CA10: variants seen among roughly 807,000 people sequenced by gnomAD.
The protein encoded by CA10 is carbonic anhydrase 10 (inactive), also known as carbonic anhydrase-related protein 10.
In CA10, 14 loss-of-function variants were observed where a neutral mutation model predicts 44.2. The observed-to-expected ratio is 0.32, with a 90% CI of 0.21 to 0.50. The LOEUF is 0.50. Ranked by LOEUF, CA10 falls within the 20% of genes least tolerant of loss-of-function variation. CA10 has a pLI of 0.99. For synonymous variants in CA10, 159 were observed against 141.6 expected, an observed-to-expected ratio of 1.12 and a Z score of -0.87; for missense variants, 350 against 409.7, an observed-to-expected ratio of 0.85 and a Z score of 1.26.
chr17:51,683,530 A>G (rs1914912851), intron 4 of CA10, among the ~76,000 whole-genome samples: 1 of 152,202 alleles, frequency 6.6e-6, no homozygotes, highest in Non-Finnish European at 1.5e-5. Flanking sequence ...AATATTATCC[A>G]TTCCTGATGG....
intron 3 of CA10, among the ~76,000 whole-genome samples, chr17:51,905,600 A>T (rs1404179326): frequency 2.3e-5 from 3 of 131,762 alleles, no homozygotes; most frequent in Non-Finnish European, 4.6e-5. Flanking sequence ...CTCACCTGTC[A>T]TTCCTTATAG....
intron 3 of CA10, among the ~76,000 whole-genome samples, chr17:51,795,014 G>A (rs1906653136): frequency 6.6e-6 from 1 of 152,174 alleles, no homozygotes; most frequent in African/African-American, 2.4e-5. Flanking sequence ...TCAGGAAAGA[G>A]GCTGGGTTCA....
intron 2 of CA10, among the ~76,000 whole-genome samples, chr17:51,948,881 TA>T (rs1983380443): frequency 6.6e-6 from 1 of 152,140 alleles, no homozygotes. Context: ...ATTTACATGC[TA>T]AAAATGTATG....
chr17:52,042,749 ATTCAT>A (rs78635957), intron 2 of CA10, among the ~76,000 whole-genome samples: 19,065 of 151,966 alleles, frequency 0.13, 1,663 homozygotes, highest in East Asian at 0.3. Context: ...TTAAATCTGA[ATTCAT>A]TTCAACTTTT....
At position 52,065,438 on chromosome 17, in the gene CA10, T is replaced by C. The variant is rs144634779; in HGVS notation, c.136+6881A>G. Among the ~76,000 whole-genome samples, 228 of 152,294 alleles carry C rather than the reference T, an allele frequency of 1.5e-3. 2 individuals are homozygous for C. Among genetic ancestry groups the C allele is most frequent in the African/African-American group, 5.2e-3 (218 of 41,560 alleles). Reference sequence around the variant, plus strand: ...TATTGCTGTCTATTCTGACCCAAGTTTGTTTGGCAAACATTGAGCCCCTGG... The same window carrying C: ...TATTGCTGTCTATTCTGACCCAAGTCTGTTTGGCAAACATTGAGCCCCTGG... On this transcript the variant is annotated intron_variant, in intron 2 of 8. Coordinates refer to ENST00000451037, the MANE Select transcript of CA10 (RefSeq NM_020178.5).
chr17:51,904,258 C>T (rs895537448), intron 3 of CA10, among the ~76,000 whole-genome samples: 1 of 151,890 alleles, frequency 6.6e-6, no homozygotes, highest in Non-Finnish European at 1.5e-5. Flanking sequence ...ACAGTGCTGT[C>T]GCCTTTGTTC....
intron 3 of CA10, among the ~76,000 whole-genome samples, chr17:51,868,038 G>A (rs1979628883): frequency 6.7e-6 from 1 of 150,288 alleles, no homozygotes; most frequent in Non-Finnish European, 1.5e-5. Context: ...CTATCACAGA[G>A]TTCAAATAAA....
chr17:51,643,352 A>T (rs1913178149), intron 6 of CA10, among the ~76,000 whole-genome samples: 1 of 152,214 alleles, frequency 6.6e-6, no homozygotes, highest in Admixed American at 6.5e-5. Flanking sequence ...CTTCAAGTAA[A>T]TTACCAATAT....
intron 4 of CA10, among the ~76,000 whole-genome samples, chr17:51,723,400 G>A (rs946433503): frequency 6.6e-6 from 1 of 152,172 alleles, no homozygotes; most frequent in African/African-American, 2.4e-5. Flanking sequence ...GATTCCGTAT[G>A]AGAAACGTGG....
intron 2 of CA10, among the ~76,000 whole-genome samples, chr17:51,966,082 C>G (rs532084256): frequency 2.0e-5 from 3 of 151,942 alleles, no homozygotes; most frequent in African/African-American, 7.2e-5. Flanking sequence ...AACATTCAAG[C>G]TGAGAGCCAA....
Position 51,747,704 on chromosome 17 carries a change from G to C in CA10, c.394C>G (p.Arg132Gly). The C allele has an allele frequency of 6.2e-7, 1 of 1,614,130 alleles. No homozygotes were observed. Among genetic ancestry groups the C allele is most frequent in the Non-Finnish European group, 8.5e-7 (1 of 1,180,016 alleles). Residue 132 changes from arginine to glycine, a missense_variant, in exon 4 of 9, where the codon CGA (arginine) becomes GGA (glycine). Transcript: ENST00000451037. ...MTYSHRLEEI[R>G]LHFGSEDSQG... ...CTGTCCTCACTCCCAAAGTGTAGTC[G>C]GATCTCCTCCAGCCGGTGGCTGTAT...
At chr17:51,655,186 CTA>C (rs1002767515) in intron 4 of CA10, among the ~76,000 whole-genome samples, 3 of 152,194 alleles carry the variant, frequency 2.0e-5, no homozygotes, top group African/African-American at 4.8e-5. Flanking sequence ...TTCCAAATAA[CTA>C]TAGAATTCTC....
intron 4 of CA10, among the ~76,000 whole-genome samples, chr17:51,679,508 G>A (rs7211726): frequency 0.09 from 13,579 of 151,048 alleles, 1,232 homozygotes; most frequent in African/African-American, 0.23. Flanking sequence ...TGATCTGCCC[G>A]CCTTGGCCTC....
intron 2 of CA10, among the ~76,000 whole-genome samples, chr17:51,992,271 C>T (rs1167261269): frequency 6.6e-6 from 1 of 152,080 alleles, no homozygotes; most frequent in Non-Finnish European, 1.5e-5. Flanking sequence ...AAAATTTATA[C>T]TGTGACTGAC....
At chr17:51,735,501 A>G (rs1393353978) in intron 4 of CA10, among the ~76,000 whole-genome samples, 3 of 151,948 alleles carry the variant, frequency 2.0e-5, no homozygotes, top group Non-Finnish European at 4.4e-5. Flanking sequence ...TACCCAAGCA[A>G]CAAACACGAA....
intron 1 of CA10, among the ~76,000 whole-genome samples, chr17:52,148,203 T>C (rs1017156376): frequency 2.0e-5 from 3 of 152,182 alleles, no homozygotes; most frequent in Non-Finnish European, 2.9e-5. Context: ...TAAAGCACTC[T>C]AGTTCAACAC....
At chr17:51,722,459 A>G (rs1916377808) in intron 4 of CA10, among the ~76,000 whole-genome samples, 1 of 152,126 alleles carries the variant, frequency 6.6e-6, no homozygotes, top group African/African-American at 2.4e-5. Context: ...ATCTGGTTCT[A>G]TTTCATGTGT....
chr17:51,860,767 G>A (rs1254028060), intron 3 of CA10, among the ~76,000 whole-genome samples: 2 of 152,114 alleles, frequency 1.3e-5, no homozygotes, highest in East Asian at 3.9e-4. Context: ...AGCAGTTATT[G>A]ATTTATCTCT....
chr17:51,891,016 A>G (rs1980832909), intron 3 of CA10, among the ~76,000 whole-genome samples: 1 of 150,910 alleles, frequency 6.6e-6, no homozygotes, highest in African/African-American at 2.5e-5. Flanking sequence ...GGAAAGATGG[A>G]ATTCCAGATC....
Sources: gnomAD v4.1 joint callset for allele counts (sites outside exome capture counted in the v4.1 genomes callset) on GRCh38, gnomAD v4.1.1 for gene constraint, MANE v1.5 for transcripts, NCBI Gene and HGNC (gene_info 2026-07-23, HGNC 2026-07-21) for gene names.